TMC1: variants seen among roughly 807,000 people sequenced by gnomAD.
TMC1 encodes transmembrane channel like 1.
In TMC1, 84 loss-of-function variants were observed where a neutral mutation model predicts 105.8. The ratio of observed to expected loss-of-function variants is 0.79; its 90% confidence interval spans 0.67 to 0.95. The LOEUF (loss-of-function observed/expected upper bound fraction) is 0.95. Ranked by LOEUF, TMC1 falls within the 40% of genes least tolerant of loss-of-function variation. The pLI is 0.00. For missense variants in TMC1, 817 were observed against 914.1 expected (o/e 0.89, Z 1.37); for synonymous variants, 315 against 311.5 (o/e 1.01, Z -0.12).
At chr9:72,771,603 A>G (rs1373741415) in intron 12 of TMC1, among the ~76,000 whole-genome samples, 1 of 152,226 alleles carries the variant, frequency 6.6e-6, no homozygotes, top group African/African-American at 2.4e-5. Context: ...AGTTATTGTC[A>G]GAGAGAAGTA....
At chr9:72,540,588 G>A (rs1313826056) in intron 1 of TMC1, among the ~76,000 whole-genome samples, 1 of 152,106 alleles carries the variant, frequency 6.6e-6, no homozygotes, top group Non-Finnish European at 1.5e-5. Context: ...TTTGAAGTTG[G>A]CTCTTATGCC....
chr9:72,791,701 G>T (rs980086892), intron 15 of TMC1, among the ~76,000 whole-genome samples, 185 bp from the exon 16 acceptor site: 2 of 152,162 alleles, frequency 1.3e-5, no homozygotes, highest in African/African-American at 4.8e-5. Context: ...CCTCTCTTGA[G>T]AATGTGAATT....
intron 1 of TMC1, among the ~76,000 whole-genome samples, chr9:72,545,946 C>T (rs927596962): frequency 5.9e-5 from 8 of 136,724 alleles, no homozygotes; most frequent in East Asian, 2.3e-4. Context: ...CAAATGTCAT[C>T]GCTCAAAAAA....
chr9:72,650,496 T>TA (rs151225838), intron 5 of TMC1, among the ~76,000 whole-genome samples: 15,446 of 151,688 alleles, frequency 0.1, 820 homozygotes, highest in Non-Finnish European at 0.13. Context: ...GAACAAGCCT[T>TA]TTTTTTTAAC....
chr9:72,777,953 CATTT>C, intron 13 of TMC1, among the ~76,000 whole-genome samples: 1 of 152,170 alleles, frequency 6.6e-6, no homozygotes, highest in Non-Finnish European at 1.5e-5. Context: ...TGTATTCATT[CATTT>C]GATTACTATT....
chr9:72,639,261 C>A (rs935954593), intron 4 of TMC1, among the ~76,000 whole-genome samples: 2 of 151,908 alleles, frequency 1.3e-5, no homozygotes, highest in African/African-American at 4.8e-5. Flanking sequence ...GATTTATTTG[C>A]AATTAGTGTG....
At chr9:72,824,555 G>A (rs1353694185) in intron 20 of TMC1, among the ~76,000 whole-genome samples, 2 of 152,144 alleles carry the variant, frequency 1.3e-5, no homozygotes, top group Admixed American at 6.5e-5. Flanking sequence ...CCAAAGTCAG[G>A]TTGTCTCTTC....
chr9:72,795,115 G>A (rs888185138), intron 17 of TMC1, among the ~76,000 whole-genome samples: 3 of 152,180 alleles, frequency 2.0e-5, no homozygotes, highest in African/African-American at 7.2e-5. Context: ...AAACCTCCAA[G>A]AAGTATGGGA....
chr9:72,806,137 C>T (rs1257657653), intron 18 of TMC1, among the ~76,000 whole-genome samples: 1 of 151,408 alleles, frequency 6.6e-6, no homozygotes, highest in Non-Finnish European at 1.5e-5. Flanking sequence ...AGAGGCGCCC[C>T]TCACCTCCCG....
intron 4 of TMC1, among the ~76,000 whole-genome samples, chr9:72,634,226 C>T (rs552473106): frequency 3.3e-5 from 5 of 151,948 alleles, no homozygotes; most frequent in South Asian, 2.1e-4. Context: ...GTCACAGGTC[C>T]GGGTGGAGTC....
intron 2 of TMC1, among the ~76,000 whole-genome samples, chr9:72,585,103 G>C (rs553596620): frequency 6.7e-6 from 1 of 149,480 alleles, no homozygotes; most frequent in Non-Finnish European, 1.5e-5. Flanking sequence ...TGATAAAGGG[G>C]TGTCATTGGG....
At chr9:72,531,418 G>T (rs1823496260) in intron 1 of TMC1, among the ~76,000 whole-genome samples, 1 of 152,170 alleles carries the variant, frequency 6.6e-6, no homozygotes, top group Non-Finnish European at 1.5e-5. Context: ...CACCAAAAAA[G>T]ATTTTAAATT....
chr9:72,576,265 C>T (rs953026057), intron 1 of TMC1, among the ~76,000 whole-genome samples: 1 of 152,188 alleles, frequency 6.6e-6, no homozygotes, highest in African/African-American at 2.4e-5. Context: ...TAAAAATATA[C>T]TTGACCTCTT....
At chr9:72,569,229 T>G (rs1824224926) in intron 1 of TMC1, among the ~76,000 whole-genome samples, 1 of 152,224 alleles carries the variant, frequency 6.6e-6, no homozygotes, top group Non-Finnish European at 1.5e-5. Flanking sequence ...TTGTAAATAC[T>G]TGTTATATTG....
At chr9:72,558,759 T>G (rs895970726) in intron 1 of TMC1, among the ~76,000 whole-genome samples, 2 of 152,202 alleles carry the variant, frequency 1.3e-5, no homozygotes, top group African/African-American at 4.8e-5. Flanking sequence ...ACAATAAAAT[T>G]GCAGAGTCGG....
intron 17 of TMC1, among the ~76,000 whole-genome samples, chr9:72,804,472 TTTTG>T (rs1213661024): frequency 6.6e-6 from 1 of 152,212 alleles, no homozygotes; most frequent in African/African-American, 2.4e-5. Context: ...CACGATAGCA[TTTTG>T]TTTTAGGGGC....
chr9:72,598,144 A>G (rs1287060332), intron 2 of TMC1, among the ~76,000 whole-genome samples: 1 of 152,202 alleles, frequency 6.6e-6, no homozygotes, highest in African/African-American at 2.4e-5. Flanking sequence ...CTTGGCTATC[A>G]TCTTTTGCTT....
At chr9:72,585,429 C>A (rs1230057498) in intron 2 of TMC1, among the ~76,000 whole-genome samples, 1 of 151,628 alleles carries the variant, frequency 6.6e-6, no homozygotes, top group Non-Finnish European at 1.5e-5. Flanking sequence ...GGATTACAGG[C>A]GGGAGCCACT....
At position 72,810,224 on chromosome 9, in the gene TMC1, G is replaced by T. The variant is rs567237652; in HGVS notation, c.1695+4714G>T. On this transcript the variant is annotated intron_variant, in intron 18 of 23. Coordinates refer to ENST00000297784, the MANE Select transcript of TMC1 (RefSeq NM_138691.3). Reference sequence around the variant, plus strand: ...GTTTCTCTGCTATTCTCCTAGACCTGCTAATCAATAATATGGTTTCAGAAA... The same window carrying T: ...GTTTCTCTGCTATTCTCCTAGACCTTCTAATCAATAATATGGTTTCAGAAA... Among the ~76,000 whole-genome samples the T allele has an allele frequency of 2.9e-3, 440 of 151,842 alleles. 1 individual carries two copies. The highest frequency in any genetic ancestry group is 0.01 in the African/African-American group (428 of 41,366).
Sources: allele counts gnomAD v4.1 joint callset (sites outside exome capture counted in the v4.1 genomes callset), GRCh38; gene constraint gnomAD v4.1.1; transcripts MANE v1.5; gene names NCBI Gene and HGNC (gene_info 2026-07-23, HGNC 2026-07-21).